The following ZFP37 variants were observed in gnomAD, a reference collection of about 807,000 sequenced individuals.
ZFP37 encodes zinc finger protein 37 homolog.
Under a neutral mutation model 52.1 loss-of-function variants are expected in ZFP37, and 38 were observed. The observed-to-expected ratio is 0.73, with a 90% CI of 0.56 to 0.96. ZFP37 has a LOEUF of 0.96. Ranked by LOEUF, ZFP37 falls within the 40% of genes least tolerant of loss-of-function variation. ZFP37 has a pLI of 0.00. For synonymous variants in ZFP37, 253 were observed against 259.5 expected (o/e 0.98, Z 0.24); for missense variants, 695 against 741.4 (o/e 0.94, Z 0.73).
At chr9:113,050,792 G>A (rs945086082) in intron 1 of ZFP37, among the ~76,000 whole-genome samples, 3 of 152,026 alleles carry the variant, frequency 2.0e-5, no homozygotes, top group Non-Finnish European at 4.4e-5. Context: ...GGCTACTTGG[G>A]AGGCAGAGGG....
rs1305948174 is a variant in ZFP37 at position 113,047,104 on chromosome 9, G to A, written c.349+2258C>T. Among the ~76,000 whole-genome samples the A allele has an allele frequency of 1.9e-4, 27 of 142,128 alleles. No homozygotes were observed. In the East Asian group the frequency reaches 5.7e-3, roughly 30 times the overall value. 93.2% of individuals were successfully genotyped at this position (142,128 alleles called of 152,430 possible). On this transcript the variant is annotated intron_variant, in intron 3 of 3. Transcript: ENST00000374227. The stretch of plus-strand genomic sequence containing the variant: ...ATCCTGGGCTACAGAGCCAGACTCC[G>A]TCTAAAAAAAAAAAAAAAAAGAGAA...
chr9:113,043,618 A>C lies in ZFP37; in HGVS notation c.1000T>G (p.Ser334Ala), dbSNP rs764391010. The C allele has an allele frequency of 5.9e-5, 96 of 1,613,908 alleles. No individual in the cohort carries two copies. The highest frequency in any genetic ancestry group is 8.0e-5 in the Non-Finnish European group (94 of 1,179,946). The change falls in exon 4 of 4, where the codon TCA becomes GCA. Residue 334 changes from serine to alanine, a missense_variant. Coordinates refer to ENST00000374227, the MANE Select transcript of ZFP37 (RefSeq NM_003408.3). ...NECGIAFSQK[S>A]HLVVHQRTHT... is the part of the protein sequence containing the mutation. ...GTTCTCTGATGTACAACAAGGTGTGACTTTTGGCTAAAGGCTATCCCACAT... is the reference window on the plus strand; with the variant it reads ...GTTCTCTGATGTACAACAAGGTGTGCCTTTTGGCTAAAGGCTATCCCACAT...
chr9:113,045,850 A>G (rs1211066180), intron 3 of ZFP37, among the ~76,000 whole-genome samples: 2 of 152,180 alleles, frequency 1.3e-5, no homozygotes, highest in Non-Finnish European at 2.9e-5. Flanking sequence ...TTTCAGCTAC[A>G]TGCTATAGCA....
In ZFP37 at chr9:113,042,729, T is replaced by G; in HGVS notation, c.1889A>C (p.Glu630Ala). Residue 630 changes from glutamate to alanine, a missense_variant, in exon 4 of 4, where the codon GAG becomes GCG. Around this residue, in one of 2 missense-constraint regions of ZFP37, gnomAD observed 326 missense variants for 400.5 expected, o/e 0.81. Transcript: ENST00000374227. The part of the protein sequence containing the change: ...VKTHSEDKSH[E>A] Reference sequence around the variant, plus strand: ...AACAAATTTCCCACATTAACTTCACTCATGAGATTTATCTTCTGAATGAGT... The same window carrying G: ...AACAAATTTCCCACATTAACTTCACGCATGAGATTTATCTTCTGAATGAGT... 4 of 1,554,434 alleles carry G rather than the reference T, an allele frequency of 2.6e-6. No individual in the cohort carries two copies. Among genetic ancestry groups the G allele is most frequent in the Non-Finnish European group, 3.5e-6 (4 of 1,153,798 alleles).
At chr9:113,044,925 G>A (rs1261017702) in intron 3 of ZFP37, among the ~76,000 whole-genome samples, 1 of 151,622 alleles carries the variant, frequency 6.6e-6, no homozygotes, top group Non-Finnish European at 1.5e-5. Context: ...TCTTTAAAGA[G>A]ATCATTTGCA....
Position 113,041,864 on chromosome 9 carries a change from T to A in ZFP37, c.*861A>T, listed in dbSNP as rs1828852842. 6.6e-6 allele frequency: 1 copy of A among 152,230 alleles called. No individual in the cohort carries two copies. Among genetic ancestry groups the A allele is most frequent in the African/African-American group, 2.4e-5 (1 of 41,468 alleles). The allele number at this position is 152,230 out of a possible 1,614,324, so 9.4% of individuals were successfully genotyped here. On this transcript the variant is annotated 3_prime_UTR_variant, in exon 4 of 4. Coordinates refer to ENST00000374227, the MANE Select transcript of ZFP37 (RefSeq NM_003408.3). Reference sequence around the variant, plus strand: ...TAATTATAAAAATAATACATGTGCATGATTTAAAAATCCAAATATACAAGG... The same window carrying A: ...TAATTATAAAAATAATACATGTGCAAGATTTAAAAATCCAAATATACAAGG...
Position 113,043,904 on chromosome 9 carries a change from T to C in ZFP37, c.714A>G (p.Ser238=), listed in dbSNP as rs758776391. The change falls in exon 4 of 4, where the codon TCA becomes TCG. Residue 238 remains serine, a synonymous_variant. Transcript: ENST00000374227. ...KKHEKLSSHS[S]SDKCNKTGKK... is the part of the protein sequence containing the mutation. ...TGCCAGTTTTGTTACACTTATCAGA[T>C]GAGCTATGGCTGGATAATTTCTCAT... The C allele has an allele frequency of 1.2e-6, 2 of 1,614,074 alleles. No individual in the cohort carries two copies. The highest frequency in any genetic ancestry group is 1.1e-5 in the South Asian group (1 of 91,082).
intron 3 of ZFP37, among the ~76,000 whole-genome samples, chr9:113,047,333 C>G (rs982195099): frequency 3.9e-5 from 6 of 152,154 alleles, no homozygotes; most frequent in African/African-American, 1.4e-4. Flanking sequence ...GGAATTCATA[C>G]AGTCTTGGAC....
chr9:113,046,686 G>GT (rs1191068669), intron 3 of ZFP37, among the ~76,000 whole-genome samples: 2 of 152,276 alleles, frequency 1.3e-5, no homozygotes, highest in Non-Finnish European at 2.9e-5. Context: ...ATTTGAGACA[G>GT]TAACTAAAAC....
rs749483709 is a variant in ZFP37 at position 113,044,035 on chromosome 9, T to C, written c.583A>G (p.Arg195Gly). The C allele has an allele frequency of 6.2e-7, 1 of 1,613,564 alleles. No individual in the cohort carries two copies. The highest frequency in any genetic ancestry group is 8.5e-7 in the Non-Finnish European group (1 of 1,179,866). Residue 195 changes from arginine (R) to glycine (G), a missense_variant, in exon 4 of 4, where the codon AGA becomes GGA. By Grantham distance (125) the Arg-to-Gly change is moderately radical. Transcript: ENST00000374227. ...TCAGATTTCCTTTTTACACAGTTTC[T>C]TGAGTGATCAGGTAAATCTAAATTC... Reference protein sequence around the residue: ...KQNLDLPDHSRNCVKRKSDAA... With the variant: ...KQNLDLPDHSGNCVKRKSDAA...
chr9:113,051,459 G>T (rs553300985), intron 1 of ZFP37, among the ~76,000 whole-genome samples: 1 of 151,330 alleles, frequency 6.6e-6, no homozygotes, highest in South Asian at 2.1e-4. Flanking sequence ...TTTTTGCAGT[G>T]GGGTGGGGGA....
chr9:113,043,683 T>C lies in ZFP37; in HGVS notation c.935A>G (p.Gln312Arg). The stretch of plus-strand genomic sequence containing the variant: ...TGGTTTCTCCCCAGTATGAACTCTC[T>C]GATGGTCAATGAGTCCTTGTTTATG... ...LSHKQGLIDHQRVHTGEKPYE... is the reference protein window; with the variant it reads ...LSHKQGLIDHRRVHTGEKPYE... Residue 312 changes from glutamine to arginine, a missense_variant, in exon 4 of 4, where the codon CAG becomes CGG. Coordinates refer to ENST00000374227, the MANE Select transcript of ZFP37 (RefSeq NM_003408.3). The C allele has an allele frequency of 6.2e-7, 1 of 1,614,112 alleles. No homozygotes were observed. The highest frequency in any genetic ancestry group is 8.5e-7 in the Non-Finnish European group (1 of 1,179,968).
In ZFP37 at chr9:113,049,365, C is replaced by T. The variant is rs780133601; in HGVS notation, c.346G>A (p.Gly116Arg). 1.9e-6 allele frequency: 3 copies of T among 1,612,066 alleles called. No homozygotes were observed. The highest frequency in any genetic ancestry group is 4.5e-5 in the East Asian group (2 of 44,846). Residue 116 changes from glycine to arginine, a missense_variant, in exon 3 of 4, where the codon GGA becomes AGA. Physicochemically the swap from Gly to Arg is moderately radical, Grantham distance 125 (BLOSUM62 -2). Around this residue, in one of 2 missense-constraint regions of ZFP37, gnomAD observed 369 missense variants for 340.9 expected, o/e 1.08. Transcript: ENST00000374227. The part of the protein sequence containing the change: ...IARPKQKETD[G>R]KVQKDDDQLE... Reference sequence around the variant, plus strand: ...AAATTTCAAAGTTACAACTTACTTCCATCAGTTTCTTTTTGCTTGGGTCTT... The same window carrying T: ...AAATTTCAAAGTTACAACTTACTTCTATCAGTTTCTTTTTGCTTGGGTCTT...
intron 1 of ZFP37, among the ~76,000 whole-genome samples, chr9:113,050,216 C>T (rs1172549694): frequency 1.3e-5 from 2 of 151,432 alleles, no homozygotes; most frequent in African/African-American, 4.9e-5. Flanking sequence ...AAAACTCCAT[C>T]TCTACAAGAA....
intron 2 of ZFP37, 48 bp downstream of exon 2, chr9:113,049,743 A>T: frequency 1.3e-6 from 2 of 1,595,322 alleles, no homozygotes; most frequent in Non-Finnish European, 1.7e-6. Context: ...CTCCAGAGAG[A>T]AGGTATCACA....
At chr9:113,048,506 C>T (rs1429473232) in intron 3 of ZFP37, among the ~76,000 whole-genome samples, 2 of 151,760 alleles carry the variant, frequency 1.3e-5, no homozygotes, top group East Asian at 1.9e-4. Flanking sequence ...GGAGTGGGAT[C>T]GAGAATAGCT....
chr9:113,038,853 T>C lies in ZFP37; in HGVS notation c.*3872A>G, dbSNP rs1449710474. 2.0e-5 allele frequency: 3 copies of C among 152,138 alleles called. No individual in the cohort carries two copies. The highest frequency in any genetic ancestry group is 4.4e-5 in the Non-Finnish European group (3 of 68,020). The allele number at this position is 152,138 out of a possible 1,614,324, so 9.4% of individuals were successfully genotyped here. ...CTGAAACTAGGTGTGGTCATGTGAC[T>C]CATTTCTGGTCAAAAGATATGAGCA... On this transcript the variant is annotated 3_prime_UTR_variant, in exon 4 of 4. Coordinates refer to ENST00000374227, the MANE Select transcript of ZFP37 (RefSeq NM_003408.3).
At chr9:113,054,297 T>C (rs1202055695) in intron 1 of ZFP37, among the ~76,000 whole-genome samples, 2 of 152,184 alleles carry the variant, frequency 1.3e-5, no homozygotes, top group African/African-American at 4.8e-5. Flanking sequence ...CTTACTTCAA[T>C]GGGCACCCCT....
chr9:113,047,407 T>C (rs1828975860), intron 3 of ZFP37, among the ~76,000 whole-genome samples: 1 of 152,136 alleles, frequency 6.6e-6, no homozygotes, highest in Non-Finnish European at 1.5e-5. Flanking sequence ...ATTTGGGGAC[T>C]ATGGTAACAT....
Sources: allele counts gnomAD v4.1 joint callset (sites outside exome capture counted in the v4.1 genomes callset), GRCh38; gene constraint gnomAD v4.1.1; regional missense constraint gnomAD v4.1.1; transcripts MANE v1.5; gene names NCBI Gene and HGNC (gene_info 2026-07-23, HGNC 2026-07-21).